GRM8: variants seen among roughly 807,000 people sequenced by gnomAD.
The protein encoded by GRM8 is metabotropic glutamate receptor 8.
A neutral mutation model predicts 87.2 loss-of-function variants in GRM8; 47 were observed. The observed-to-expected ratio is 0.54, with a 90% CI of 0.43 to 0.69. The LOEUF (loss-of-function observed/expected upper bound fraction) is 0.69, where lower values mean the gene tolerates loss of function less well. Ranked by LOEUF, GRM8 falls within the 30% of genes least tolerant of loss-of-function variation. The pLI is 0.00. For synonymous variants in GRM8, 396 were observed against 404.5 expected, an observed-to-expected ratio of 0.98 and a Z score of 0.25; for missense variants, 1,019 against 1,139.2, an observed-to-expected ratio of 0.89 and a Z score of 1.52.
Position 127,144,969 on chromosome 7 carries a change from T to A in GRM8, c.511-38257A>T, listed in dbSNP as rs1828473147. The stretch of plus-strand genomic sequence containing the variant: ...TATGCTCTTATGTTTCTTTAATATA[T>A]GCATCTTTTCCCCAAAATATTTGCA... On this transcript the variant is annotated intron_variant, in intron 2 of 10. Transcript: ENST00000339582. Among the ~76,000 whole-genome samples, 5 of 152,256 alleles carry A rather than the reference T, an allele frequency of 3.3e-5. No homozygotes were observed. The South Asian group carries it at 1.0e-3, about 32-fold the overall frequency.
At chr7:126,531,095 C>A (rs1814749340) in intron 9 of GRM8, among the ~76,000 whole-genome samples, 1 of 152,130 alleles carries the variant, frequency 6.6e-6, no homozygotes, top group South Asian at 2.1e-4. Flanking sequence ...AGCAAATTTT[C>A]AGATGTAGAT....
chr7:127,116,062 G>T (rs1390816556), intron 2 of GRM8, among the ~76,000 whole-genome samples: 1 of 152,192 alleles, frequency 6.6e-6, no homozygotes, highest in Non-Finnish European at 1.5e-5. Flanking sequence ...GTGACAATGA[G>T]CTATAATTGC....
At chr7:127,172,550 CA>C (rs921768417) in intron 2 of GRM8, among the ~76,000 whole-genome samples, 1 of 151,032 alleles carries the variant, frequency 6.6e-6, no homozygotes, top group Non-Finnish European at 1.5e-5. Flanking sequence ...ACTAAAAATA[CA>C]AAAAAAATTA....
chr7:126,983,857 C>G (rs1400784423), intron 3 of GRM8, among the ~76,000 whole-genome samples: 1 of 152,168 alleles, frequency 6.6e-6, no homozygotes, highest in Non-Finnish European at 1.5e-5. Flanking sequence ...TTGCTAAAGG[C>G]AAAGGGAATA....
chr7:126,462,061 G>A (rs1294592538), intron 9 of GRM8, among the ~76,000 whole-genome samples: 4 of 151,492 alleles, frequency 2.6e-5, no homozygotes, highest in Non-Finnish European at 4.4e-5. Flanking sequence ...GCCTTTCAAG[G>A]TACCAAAATT....
At chr7:126,440,379 C>G (rs564248893) in intron 10 of GRM8, among the ~76,000 whole-genome samples, 2 of 140,710 alleles carry the variant, frequency 1.4e-5, no homozygotes, top group African/African-American at 5.4e-5. Context: ...CCACTGCACA[C>G]CAGCCTAGGC....
chr7:126,889,056 G>A (rs1025517340), intron 6 of GRM8, among the ~76,000 whole-genome samples: 1 of 152,048 alleles, frequency 6.6e-6, no homozygotes, highest in African/African-American at 2.4e-5. Flanking sequence ...GTAAGGGAAA[G>A]GTGCATAAAG....
chr7:126,981,987 T>C (rs1811583264), intron 3 of GRM8, among the ~76,000 whole-genome samples: 1 of 152,146 alleles, frequency 6.6e-6, no homozygotes, highest in South Asian at 2.1e-4. Flanking sequence ...TATATCTATA[T>C]CTATATCTAT....
chr7:126,848,042 T>C (rs749325486), intron 6 of GRM8, among the ~76,000 whole-genome samples: 9 of 152,192 alleles, frequency 5.9e-5, no homozygotes, highest in Non-Finnish European at 1.0e-4. Flanking sequence ...GTAGAAATTA[T>C]CATGGTGAGA....
chr7:126,858,537 A>G (rs1196134409), intron 6 of GRM8, among the ~76,000 whole-genome samples: 1 of 152,182 alleles, frequency 6.6e-6, no homozygotes, highest in African/African-American at 2.4e-5. Context: ...TCCAACAGAT[A>G]AAGGGCTAAA....
chr7:127,126,128 T>C (rs1490242171), intron 2 of GRM8, among the ~76,000 whole-genome samples: 2 of 152,192 alleles, frequency 1.3e-5, no homozygotes, highest in South Asian at 4.1e-4. Flanking sequence ...CTACCGGGTA[T>C]CTACCCAAAG....
At chr7:126,825,732 TA>T (rs1275069443) in intron 6 of GRM8, among the ~76,000 whole-genome samples, 2 of 152,172 alleles carry the variant, frequency 1.3e-5, no homozygotes, top group Admixed American at 6.5e-5. Context: ...TTTTTATTAT[TA>T]TTATACTTTA....
At chr7:126,910,905 C>A (rs1274996435) in intron 3 of GRM8, among the ~76,000 whole-genome samples, 1 of 152,034 alleles carries the variant, frequency 6.6e-6, no homozygotes, top group Non-Finnish European at 1.5e-5. Flanking sequence ...GAGAGTGGCC[C>A]CACATAATCT....
At chr7:126,812,374 A>G (rs911710150) in intron 6 of GRM8, among the ~76,000 whole-genome samples, 1 of 151,990 alleles carries the variant, frequency 6.6e-6, no homozygotes, top group Non-Finnish European at 1.5e-5. Context: ...CAACTAGGCT[A>G]TGTGGTACAC....
chr7:126,816,732 TTGTGTG>T (rs3038866), intron 6 of GRM8, among the ~76,000 whole-genome samples: 23,546 of 145,540 alleles, frequency 0.16, 2,212 homozygotes, highest in Non-Finnish European at 0.22. Context: ...GTATATGATT[TTGTGTG>T]TGTGTGTGTG....
rs1563413110 is a variant in GRM8, at chr7:127,015,044, AAG to A, written c.727+91450_727+91451del. ...GAAGAAGAAGAAGAAGAAGAAGAAG[AAG>A]AAGAAGAAGAAGAAGAAGAAGAAAG... On this transcript the variant is annotated intron_variant, in intron 3 of 10. Transcript: ENST00000339582. Among the ~76,000 whole-genome samples the A allele has an allele frequency of 1.9e-3, 245 of 127,694 alleles. 4 individuals carry two copies. The highest frequency in any genetic ancestry group is 3.3e-3 in the Non-Finnish European group (187 of 57,170). 83.8% of individuals were successfully genotyped at this position (127,694 alleles called of 152,430 possible).
chr7:127,193,051 A>G (rs1350819459), intron 2 of GRM8, among the ~76,000 whole-genome samples: 1 of 152,206 alleles, frequency 6.6e-6, no homozygotes, highest in African/African-American at 2.4e-5. Flanking sequence ...CCATATAGCT[A>G]CCATAAGACT....
At chr7:126,915,387 C>A (rs577785613) in intron 3 of GRM8, among the ~76,000 whole-genome samples, 4 of 152,098 alleles carry the variant, frequency 2.6e-5, no homozygotes, top group Non-Finnish European at 4.4e-5. Flanking sequence ...AATCAACAGC[C>A]CCCACACAGA....
At chr7:126,952,022 A>G (rs17861376) in intron 3 of GRM8, among the ~76,000 whole-genome samples, 1 of 150,222 alleles carries the variant, frequency 6.7e-6, no homozygotes, top group Non-Finnish European at 1.5e-5. Context: ...TGATTTAAAA[A>G]AAAGAAAGAA....
Sources: allele counts gnomAD v4.1 joint callset (sites outside exome capture counted in the v4.1 genomes callset), GRCh38; gene constraint gnomAD v4.1.1; transcripts MANE v1.5; gene names NCBI Gene and HGNC (gene_info 2026-07-23, HGNC 2026-07-21).